The following FAM167A variants were observed in gnomAD, a reference collection of about 807,000 sequenced individuals.
The protein encoded by FAM167A is family with sequence similarity 167 member A, also known as protein FAM167A.
Under a neutral mutation model 14.9 loss-of-function variants are expected in FAM167A, and 23 were observed. The observed-to-expected ratio is 1.55, with a 90% CI of 1.11 to 2.19. FAM167A has a LOEUF of 2.19. Ranked by LOEUF, FAM167A falls within the 30% of genes most tolerant of loss-of-function variation. The pLI, the probability that FAM167A is intolerant of heterozygous loss-of-function variation, is 0.00. For synonymous variants in FAM167A, 174 were observed against 117.7 expected (o/e 1.48, Z -3.10); for missense variants, 401 against 281.5 (o/e 1.42, Z -3.04).
chr8:11,435,183 C>A, intron 2 of FAM167A: 1 of 454,832 alleles, frequency 2.2e-6, no homozygotes, highest in South Asian at 1.6e-5. Flanking sequence ...AGGGCAGCCA[C>A]ACTGAGGTTC....
chr8:11,431,946 A>T (rs924019855), intron 2 of FAM167A, among the ~76,000 whole-genome samples: 1 of 147,774 alleles, frequency 6.8e-6, no homozygotes, highest in African/African-American at 2.5e-5. Flanking sequence ...CAAAGGCCCG[A>T]GAGGCTGGCC....
intron 2 of FAM167A, among the ~76,000 whole-genome samples, chr8:11,439,436 G>A (rs1330740271): frequency 6.6e-6 from 1 of 152,264 alleles, no homozygotes; most frequent in Non-Finnish European, 1.5e-5. Context: ...GGCAGCACAG[G>A]CAACAGAGGG....
chr8:11,475,616 T>C (rs1252096276), intron 1 of FAM167A, among the ~76,000 whole-genome samples: 1 of 152,096 alleles, frequency 6.6e-6, no homozygotes, highest in African/African-American at 2.4e-5. Context: ...AGAAGAGCCA[T>C]TACGTTTTAA....
At position 11,465,967 on chromosome 8, in the gene FAM167A, G is replaced by C. The variant is rs539063847; in HGVS notation, c.-398+659C>G. On this transcript the variant is annotated intron_variant, in intron 1 of 2. Transcript: ENST00000284486. ...CGGGAATAAAAACCAGGCAGTAACG[G>C]GTGTGCAGAAAACCTATACATCCAA... 3.8e-3 allele frequency among the ~76,000 whole-genome samples: 582 copies of C among 152,114 alleles called. 2 individuals carry two copies. The highest frequency in any genetic ancestry group is 6.5e-3 in the Non-Finnish European group (442 of 68,010).
At chr8:11,451,490 C>T (rs559751780) in intron 1 of FAM167A, among the ~76,000 whole-genome samples, 2 of 152,360 alleles carry the variant, frequency 1.3e-5, no homozygotes, top group East Asian at 3.9e-4. Flanking sequence ...ATTTGTCTTT[C>T]GTTGGACTGT....
chr8:11,424,684 C>T lies in FAM167A; in HGVS notation c.382-48G>A, dbSNP rs111729419. The T allele has an allele frequency of 3.1e-5, 49 of 1,600,784 alleles. 1 individual carries two copies. The African/African-American group carries it at 3.5e-4, about 11-fold the overall frequency. ...AGGGTCAGCAGAGAGTGGCTCGAGT[C>T]CCTGACAGGCACAGACTGGTTAGCA... On this transcript the variant is annotated intron_variant, in intron 2 of 2. Coordinates refer to ENST00000284486, the MANE Select transcript of FAM167A (RefSeq NM_053279.3).
intron 2 of FAM167A, among the ~76,000 whole-genome samples, chr8:11,427,758 G>A (rs188347826): frequency 5.6e-4 from 85 of 152,272 alleles, no homozygotes; most frequent in Admixed American, 1.4e-3. Flanking sequence ...AGTCAGCAAG[G>A]TATCTAATGG....
intron 2 of FAM167A, among the ~76,000 whole-genome samples, chr8:11,435,713 C>G (rs991488052): frequency 6.6e-6 from 1 of 152,196 alleles, no homozygotes; most frequent in Non-Finnish European, 1.5e-5. Context: ...GCTGGTGACG[C>G]CACCCTGGGC....
In FAM167A at chr8:11,423,996, A is replaced by AC; in HGVS notation, c.*376_*377insG. ...GGCCCTTGCGGGACAGCCTTCTGCA[A>AC]AAATGACAGCTTTGTTGGGGGGCCT... On this transcript the variant is annotated 3_prime_UTR_variant, in exon 3 of 3. Coordinates refer to ENST00000284486, the MANE Select transcript of FAM167A (RefSeq NM_053279.3). 4.4e-6 allele frequency: 1 copy of AC among 228,778 alleles called. No individual in the cohort carries two copies. 14.2% of individuals were successfully genotyped at this position (228,778 alleles called of 1,614,324 possible).
In FAM167A at chr8:11,423,170, T is replaced by G. The variant is rs1804879525; in HGVS notation, c.*1203A>C. 1 of 152,280 alleles carries G rather than the reference T, an allele frequency of 6.6e-6. No individual in the cohort carries two copies. Among genetic ancestry groups the G allele is most frequent in the South Asian group, 2.1e-4 (1 of 4,828 alleles). The allele number at this position is 152,280 out of a possible 1,614,324, so 9.4% of individuals were successfully genotyped here. A position where few individuals can be genotyped will look rare whatever the true frequency, so the allele number is the denominator to read the frequency against. On this transcript the variant is annotated 3_prime_UTR_variant, in exon 3 of 3. Transcript: ENST00000284486. ...TGACACCAAAGGTCAGAAACACTCC[T>G]TATCTCAGGATTCTACGGGTCTGGC...
chr8:11,440,887 G>C (rs532056393), intron 2 of FAM167A, among the ~76,000 whole-genome samples: 1 of 152,328 alleles, frequency 6.6e-6, no homozygotes, highest in East Asian at 1.9e-4. Flanking sequence ...CCTTCAATGA[G>C]TTAAGAGGAT....
chr8:11,424,684 C>G (rs111729419), intron 2 of FAM167A, 48 bp from the exon 3 acceptor site: 1 of 1,600,664 alleles, frequency 6.2e-7, no homozygotes, highest in Non-Finnish European at 8.5e-7. Context: ...TGGCTCGAGT[C>G]CCTGACAGGC....
At chr8:11,455,164 GGGTTGTTGCCTTGCTGAGTGTGGGT>G (rs1478476530) in intron 1 of FAM167A, among the ~76,000 whole-genome samples, 27 of 128,156 alleles carry the variant, frequency 2.1e-4, no homozygotes, top group African/African-American at 7.7e-4. Flanking sequence ...GACTGTGGTG[GGGTTGTTGCCTTGCTGAGTGTGGGT>G]GGTGGTTGCC....
chr8:11,467,928 A>G (rs1807835786), upstream of FAM167A, among the ~76,000 whole-genome samples: 1 of 152,232 alleles, frequency 6.6e-6, no homozygotes, highest in African/African-American at 2.4e-5. Flanking sequence ...GTGTATTAAC[A>G]AGCATCTTTT....
chr8:11,424,494 T>C lies in FAM167A; in HGVS notation c.524A>G (p.Asp175Gly), dbSNP rs750839979. 1.9e-6 allele frequency: 3 copies of C among 1,614,046 alleles called. No homozygotes were observed. The highest frequency in any genetic ancestry group is 2.5e-6 in the Non-Finnish European group (3 of 1,179,944). ...GTCACAGAAGAGGTCGGCCAGCTCATCCCGCTCCTCCAGCTCGTAGGTGGC... is the reference window on the plus strand; with the variant it reads ...GTCACAGAAGAGGTCGGCCAGCTCACCCCGCTCCTCCAGCTCGTAGGTGGC... ...NDATYELEERDELADLFCDSP... is the reference protein window; with the variant it reads ...NDATYELEERGELADLFCDSP... Residue 175 changes from aspartate (D) to glycine (G), a missense_variant, in exon 3 of 3, where the codon GAT (aspartate) becomes GGT (glycine). Physicochemically the swap from Asp to Gly is moderately conservative, Grantham distance 94. Transcript: ENST00000284486.
intron 1 of FAM167A, among the ~76,000 whole-genome samples, chr8:11,473,156 C>A (rs143379655): frequency 6.6e-6 from 1 of 152,350 alleles, no homozygotes; most frequent in African/African-American, 2.4e-5. Context: ...TCTTCTCCAA[C>A]TCAATAGCCC....
chr8:11,432,667 G>A (rs192988192), intron 2 of FAM167A, among the ~76,000 whole-genome samples: 41 of 152,304 alleles, frequency 2.7e-4, no homozygotes, highest in African/African-American at 9.4e-4. Flanking sequence ...ATTCCTCAAG[G>A]ATGTAGAACA....
chr8:11,451,020 T>C (rs555336845), intron 1 of FAM167A, among the ~76,000 whole-genome samples: 1 of 152,250 alleles, frequency 6.6e-6, no homozygotes. Flanking sequence ...TGGAGTCCAG[T>C]GCAGGATGAG....
chr8:11,444,336 G>A lies in FAM167A; in HGVS notation c.76C>T (p.His26Tyr), dbSNP rs149650089. The part of the protein sequence containing the change: ...GAGAAAPPDD[H>Y]LRSLKALTEK... ...GTGAGGGCCTTCAGGCTCCGGAGGTGGTCATCGGGTGGTGCGGCTGCTCCC... is the reference window on the plus strand; with the variant it reads ...GTGAGGGCCTTCAGGCTCCGGAGGTAGTCATCGGGTGGTGCGGCTGCTCCC... The change falls in exon 2 of 3, where the codon CAC becomes TAC. Residue 26 changes from histidine to tyrosine, a missense_variant. Coordinates refer to ENST00000284486, the MANE Select transcript of FAM167A (RefSeq NM_053279.3). 1.7e-4 allele frequency: 267 copies of A among 1,608,774 alleles called. No individual in the cohort carries two copies. In the African/African-American group the frequency reaches 3.1e-3, roughly 19 times the overall value.
Sources: gnomAD v4.1 joint callset for allele counts (sites outside exome capture counted in the v4.1 genomes callset) on GRCh38, gnomAD v4.1.1 for gene constraint, MANE v1.5 for transcripts, NCBI Gene and HGNC (gene_info 2026-07-23, HGNC 2026-07-21) for gene names.